UNC13C: variants seen among roughly 807,000 people sequenced by gnomAD.
UNC13C encodes the protein unc-13 homolog C, also known as protein unc-13 homolog C.
In UNC13C, 174 loss-of-function variants were observed where a neutral mutation model predicts 245.4. The ratio of observed to expected loss-of-function variants is 0.71; its 90% CI spans 0.63 to 0.80. The LOEUF (loss-of-function observed/expected upper bound fraction) is 0.80. Ranked by LOEUF, UNC13C falls within the 30% of genes least tolerant of loss-of-function variation. The pLI is 0.00. For missense variants in UNC13C, 2,829 were observed against 2,602.9 expected (o/e 1.09, Z -1.89); for synonymous variants, 992 against 895.1 (o/e 1.11, Z -1.93).
chr15:54,630,662 A>ACT (rs549608309), downstream of UNC13C: 146 of 152,092 alleles, frequency 9.6e-4, no homozygotes, highest in African/African-American at 3.5e-3. Flanking sequence ...CTGTGTTTAT[A>ACT]CTCAAGTCCT....
chr15:54,446,582 T>A (rs1890827318), intron 19 of UNC13C, among the ~76,000 whole-genome samples: 1 of 152,214 alleles, frequency 6.6e-6, no homozygotes, highest in Admixed American at 6.5e-5. Context: ...CACTCATGAT[T>A]TGGCTCTCTG....
chr15:54,588,484 A>G (rs764958200), intron 30 of UNC13C, among the ~76,000 whole-genome samples: 1 of 152,222 alleles, frequency 6.6e-6, no homozygotes, highest in Non-Finnish European at 1.5e-5. Flanking sequence ...CCTAGTGCAT[A>G]ACAAATACTT....
intron 2 of UNC13C, among the ~76,000 whole-genome samples, chr15:54,046,277 G>A (rs998147405): frequency 6.6e-6 from 1 of 152,040 alleles, no homozygotes; most frequent in Non-Finnish European, 1.5e-5. Context: ...AGGGATTTCT[G>A]GGTCAGTGTA....
chr15:54,297,715 G>A (rs1368816574), intron 11 of UNC13C, 96 bp from the exon 12 acceptor site: 23 of 877,720 alleles, frequency 2.6e-5, no homozygotes, highest in East Asian at 8.0e-5. Context: ...TACTTAAGCC[G>A]TTTTTTTGTT....
intron 8 of UNC13C, among the ~76,000 whole-genome samples, chr15:54,252,801 T>A (rs1483017468): frequency 1.3e-5 from 2 of 152,174 alleles, no homozygotes; most frequent in Non-Finnish European, 2.9e-5. Context: ...GTTCTATGAT[T>A]TTCTTTATAA....
the UNC13C span, among the ~76,000 whole-genome samples, chr15:53,927,258 C>T: frequency 2.8e-4 from 43 of 152,286 alleles, no homozygotes; most frequent in Admixed American, 1.4e-3. Context: ...TTAACCACTT[C>T]ACTCTGCTGC....
intron 30 of UNC13C, among the ~76,000 whole-genome samples, chr15:54,568,613 C>A (rs1897618114): frequency 6.6e-6 from 1 of 152,086 alleles, no homozygotes; most frequent in Admixed American, 6.6e-5. Flanking sequence ...TAAGATCTGG[C>A]ATTTCTAAGA....
At chr15:54,571,792 C>A (rs1897767554) in intron 30 of UNC13C, among the ~76,000 whole-genome samples, 1 of 152,096 alleles carries the variant, frequency 6.6e-6, no homozygotes, top group African/African-American at 2.4e-5. Context: ...GGAGCAGCCC[C>A]CTACCAGTGA....
At chr15:54,284,113 T>A (rs1596143701) in intron 10 of UNC13C, among the ~76,000 whole-genome samples, 1 of 152,232 alleles carries the variant, frequency 6.6e-6, no homozygotes, top group Non-Finnish European at 1.5e-5. Flanking sequence ...TTTAGCTCTT[T>A]GTTCTATGGA....
At chr15:53,987,583 C>T (rs1894200735) in intron 1 of UNC13C, among the ~76,000 whole-genome samples, 1 of 151,908 alleles carries the variant, frequency 6.6e-6, no homozygotes, top group Non-Finnish European at 1.5e-5. Flanking sequence ...GCAGGCTTAT[C>T]TTAGTTACCT....
intron 1 of UNC13C, among the ~76,000 whole-genome samples, chr15:53,999,330 G>C (rs1595694890): frequency 6.6e-6 from 1 of 151,568 alleles, no homozygotes; most frequent in Non-Finnish European, 1.5e-5. Flanking sequence ...TATATACATA[G>C]AGAAAAATTC....
intron 4 of UNC13C, among the ~76,000 whole-genome samples, chr15:54,221,451 A>G (rs1004279630): frequency 6.6e-6 from 1 of 151,668 alleles, no homozygotes; most frequent in African/African-American, 2.4e-5. Flanking sequence ...AATTATATGG[A>G]GTCTATAATA....
chr15:53,998,297 C>T (rs1468273273), intron 1 of UNC13C, among the ~76,000 whole-genome samples: 1 of 152,038 alleles, frequency 6.6e-6, no homozygotes, highest in East Asian at 1.9e-4. Context: ...CATATATTAT[C>T]TCTTTAGTTA....
chr15:54,454,801 TATTCATTCATTC>T (rs57819978), intron 19 of UNC13C, among the ~76,000 whole-genome samples: 11 of 139,570 alleles, frequency 7.9e-5, no homozygotes, highest in Non-Finnish European at 1.1e-4. Context: ...AAATTTTATT[TATTCATTCATTC>T]ATTCATTCAT....
Position 54,436,460 on chromosome 15 carries a change from A to G in UNC13C, c.4933+21393A>G, listed in dbSNP as rs567558674. Among the ~76,000 whole-genome samples, 8 of 152,126 alleles carry G rather than the reference A, an allele frequency of 5.3e-5. No individual in the cohort carries two copies. In the South Asian group the frequency reaches 1.7e-3, roughly 32 times the overall value. ...ATAAAGAAAATGTGGCACACATACT[A>G]CACCATAGAATACTATGCAGCCATA... On this transcript the variant is annotated intron_variant, in intron 19 of 32. Transcript: ENST00000260323.
chr15:54,606,119 A>T, intron 30 of UNC13C, among the ~76,000 whole-genome samples: 1 of 152,354 alleles, frequency 6.6e-6, no homozygotes, highest in African/African-American at 2.4e-5. Context: ...ATTAAAGTAT[A>T]AAAGAAAAGT....
intron 26 of UNC13C, among the ~76,000 whole-genome samples, chr15:54,536,229 A>T (rs1010069909): frequency 6.6e-5 from 10 of 152,102 alleles, no homozygotes; most frequent in Non-Finnish European, 1.5e-4. Context: ...TGGAAAACCT[A>T]AAAGAAATGA....
At chr15:54,283,016 A>T (rs1365466124) in intron 10 of UNC13C, among the ~76,000 whole-genome samples, 2 of 152,180 alleles carry the variant, frequency 1.3e-5, no homozygotes, top group East Asian at 3.9e-4. Flanking sequence ...GGACATGAAA[A>T]CGTAGAAAAC....
At chr15:54,328,609 G>T (rs28604583) in intron 14 of UNC13C, among the ~76,000 whole-genome samples, 46,249 of 151,668 alleles carry the variant, frequency 0.3, 7,242 homozygotes, top group Non-Finnish European at 0.33. Flanking sequence ...AATGAGAGAT[G>T]CTGAGGATGA....
Sources: allele counts gnomAD v4.1 joint callset (sites outside exome capture counted in the v4.1 genomes callset), GRCh38; gene constraint gnomAD v4.1.1; transcripts MANE v1.5; gene names NCBI Gene and HGNC (gene_info 2026-07-23, HGNC 2026-07-21).